B4GALT1: variants seen among roughly 807,000 people sequenced by gnomAD.
B4GALT1 encodes the protein beta-1,4-galactosyltransferase 1.
B4GALT1 carries 16 observed loss-of-function variants against 34.9 expected under a neutral mutation model. That is an observed-to-expected ratio of 0.46 (90% CI 0.31 to 0.70). The LOEUF (loss-of-function observed/expected upper bound fraction) is 0.70, where lower values mean the gene tolerates loss of function less well. Among genes scored for constraint, B4GALT1 ranks in the 30% least tolerant of loss-of-function variants. The pLI is 0.05. For missense variants in B4GALT1, 445 were observed against 530.5 expected (o/e 0.84, Z 1.58); for synonymous variants, 221 against 218.1 (o/e 1.01, Z -0.12).
chr9:33,166,417 G>A (rs145601830), intron 1 of B4GALT1, among the ~76,000 whole-genome samples: 30 of 152,250 alleles, frequency 2.0e-4, no homozygotes, highest in African/African-American at 5.8e-4. Context: ...TCAGTGCAAG[G>A]CTGCTCGAAG....
chr9:33,113,632 T>C, intron 5 of B4GALT1, 46 bp from the exon 6 acceptor site: 1 of 1,613,512 alleles, frequency 6.2e-7, no homozygotes, highest in Non-Finnish European at 8.5e-7. Context: ...ACAAAAATCT[T>C]AAGAAGAAAT....
At position 33,113,127 on chromosome 9, in the gene B4GALT1, A is replaced by C; in HGVS notation, c.*327T>G. 3.0e-6 allele frequency: 1 copy of C among 338,978 alleles called. No homozygotes were observed. Among genetic ancestry groups the C allele is most frequent in the Non-Finnish European group, 5.5e-6 (1 of 180,516 alleles). The allele number at this position is 338,978 out of a possible 1,614,324, so 21.0% of individuals were successfully genotyped here. On this transcript the variant is annotated 3_prime_UTR_variant, in exon 6 of 6. Transcript: ENST00000379731. Reference sequence around the variant, plus strand: ...AAAAATTCTAACCTATTTCACGACAATTTAGCAATTCTATCACCGGGAATG... The same window carrying C: ...AAAAATTCTAACCTATTTCACGACACTTTAGCAATTCTATCACCGGGAATG...
chr9:33,105,524 A>ATTT (rs1023019669), intron 2 of B4GALT1, among the ~76,000 whole-genome samples: 10 of 152,358 alleles, frequency 6.6e-5, no homozygotes, highest in Admixed American at 6.5e-4. Flanking sequence ...GTTCTGTGGC[A>ATTT]TAAAGTACAT....
chr9:33,106,621 C>A (rs750592), downstream of B4GALT1, among the ~76,000 whole-genome samples: 30,569 of 152,110 alleles, frequency 0.2, 3,289 homozygotes, highest in African/African-American at 0.27. Flanking sequence ...CCCTCCCTCA[C>A]CAGGTAGAAC....
the B4GALT1 span, among the ~76,000 whole-genome samples, chr9:33,174,979 AAAAAAAAAAAAATATATATATATATAT>A: frequency 1.2e-4 from 5 of 43,296 alleles, no homozygotes; most frequent in South Asian, 2.7e-3. Flanking sequence ...AAAAAAAAAA[AAAAAAAAAAAAATATATATATATATAT>A]ATATATATAT....
chr9:33,177,529 GT>G, the B4GALT1 span: 1 of 152,094 alleles, frequency 6.6e-6, no homozygotes, highest in Non-Finnish European at 1.5e-5. Context: ...TTCTATGGTT[GT>G]TTTCATACTA....
At chr9:33,150,864 G>A (rs1005001866) in intron 1 of B4GALT1, among the ~76,000 whole-genome samples, 1 of 152,170 alleles carries the variant, frequency 6.6e-6, no homozygotes, top group Non-Finnish European at 1.5e-5. Flanking sequence ...CTGGGAAATA[G>A]AAGTGGGAAT....
At chr9:33,128,828 G>T (rs1027412474) in intron 2 of B4GALT1, among the ~76,000 whole-genome samples, 1 of 152,200 alleles carries the variant, frequency 6.6e-6, no homozygotes, top group Non-Finnish European at 1.5e-5. Context: ...CCAGGAGTCT[G>T]CTTCTCCCCA....
the B4GALT1 span, among the ~76,000 whole-genome samples, chr9:33,177,064 G>A: frequency 6.6e-6 from 1 of 151,972 alleles, no homozygotes; most frequent in Admixed American, 6.6e-5. Context: ...ATAATGCCCT[G>A]GGCCCTCTAT....
chr9:33,126,124 C>CG lies in B4GALT1; in HGVS notation c.649-5519dup, dbSNP rs1411510196. Reference sequence around the variant, plus strand: ...CACTAAGCTCTCAACAGGACAGATCCGGGGGCAGGTCTGCAGCCAGTGGCA... The same window carrying CG: ...CACTAAGCTCTCAACAGGACAGATCCGGGGGGCAGGTCTGCAGCCAGTGGCA... On this transcript the variant is annotated intron_variant, in intron 2 of 5. Coordinates refer to ENST00000379731, the MANE Select transcript of B4GALT1 (RefSeq NM_001497.4). Among the ~76,000 whole-genome samples the CG allele has an allele frequency of 1.3e-4, 20 of 152,294 alleles. No individual in the cohort carries two copies. In the East Asian group the frequency reaches 3.7e-3, roughly 28 times the overall value.
intron 1 of B4GALT1, among the ~76,000 whole-genome samples, chr9:33,156,135 G>A (rs975158459): frequency 8.0e-5 from 12 of 149,790 alleles, no homozygotes; most frequent in Non-Finnish European, 1.6e-4. Context: ...TTTTTTTTTC[G>A]GGGGGCGGGG....
At chr9:33,126,338 T>C (rs1055567458) in intron 2 of B4GALT1, among the ~76,000 whole-genome samples, 13 of 152,202 alleles carry the variant, frequency 8.5e-5, no homozygotes, top group Non-Finnish European at 1.9e-4. Context: ...CCCCAGAGAA[T>C]TACTGGAAAC....
At chr9:33,167,907 C>CG (rs1320695540), upstream of B4GALT1, among the ~76,000 whole-genome samples, 10 of 152,212 alleles carry the variant, frequency 6.6e-5, no homozygotes, top group African/African-American at 2.2e-4. Flanking sequence ...CGCTGCTTAA[C>CG]GGGGGGTCCT....
intron 1 of B4GALT1, among the ~76,000 whole-genome samples, 200 bp from the exon 2 acceptor site, chr9:33,135,624 C>T (rs868780761): frequency 6.6e-6 from 1 of 152,226 alleles, no homozygotes; most frequent in Admixed American, 6.5e-5. Context: ...TCCCCAGAAA[C>T]CCCCTTCAGT....
At chr9:33,171,821 C>T (rs1840844429), upstream of B4GALT1, among the ~76,000 whole-genome samples, 1 of 152,234 alleles carries the variant, frequency 6.6e-6, no homozygotes, top group South Asian at 2.1e-4. Context: ...TCCCAAAGTG[C>T]TGAGATTACC....
chr9:33,109,999 G>A (rs1339819800), downstream of B4GALT1, among the ~76,000 whole-genome samples: 1 of 152,222 alleles, frequency 6.6e-6, no homozygotes, highest in African/African-American at 2.4e-5. Context: ...TGAACCCCAG[G>A]CCACCTTTGC....
chr9:33,176,629 T>G, the B4GALT1 span, among the ~76,000 whole-genome samples: 1 of 152,166 alleles, frequency 6.6e-6, no homozygotes, highest in Non-Finnish European at 1.5e-5. Flanking sequence ...CCACATGTTC[T>G]CACCGATAAG....
At chr9:33,166,362 A>G (rs1294674641) in intron 1 of B4GALT1, among the ~76,000 whole-genome samples, 1 of 152,120 alleles carries the variant, frequency 6.6e-6, no homozygotes, top group Non-Finnish European at 1.5e-5. Flanking sequence ...GCCTCACGTC[A>G]GTCCCCAAAA....
At chr9:33,109,602 AG>A (rs568401641), downstream of B4GALT1, among the ~76,000 whole-genome samples, 250 of 152,290 alleles carry the variant, frequency 1.6e-3, 1 homozygote, top group African/African-American at 5.7e-3. Flanking sequence ...CAGGAGTTTC[AG>A]GCCAGCCTGG....
Sources: allele counts gnomAD v4.1 joint callset (sites outside exome capture counted in the v4.1 genomes callset), GRCh38; gene constraint gnomAD v4.1.1; transcripts MANE v1.5; gene names NCBI Gene and HGNC (gene_info 2026-07-23, HGNC 2026-07-21).